The following STK32C variants were observed in gnomAD, a reference collection of about 807,000 sequenced individuals.
The protein encoded by STK32C is serine/threonine kinase 32C.
In STK32C, 31 loss-of-function variants were observed where a neutral mutation model predicts 56.5. That is an observed-to-expected ratio of 0.55 (90% CI 0.41 to 0.74). The LOEUF is 0.74. Among genes scored for constraint, STK32C ranks in the 30% least tolerant of loss-of-function variants. The probability of loss-of-function intolerance (pLI) is 0.00; values close to 1 mark genes in which losing one functional copy is unlikely to be tolerated. For synonymous variants in STK32C, 309 were observed against 289.4 expected (o/e 1.07, Z -0.69); for missense variants, 544 against 676.9 (o/e 0.80, Z 2.18).
At position 132,270,934 on chromosome 10, in the gene STK32C, C is replaced by T. The variant is rs558599708; in HGVS notation, c.263-24979G>A. Reference sequence around the variant, plus strand: ...TGCAGCCCCCCTCCAGAGCAACAGCCAATAAGGGTAGGGCAATGGGGTGGG... The same window carrying T: ...TGCAGCCCCCCTCCAGAGCAACAGCTAATAAGGGTAGGGCAATGGGGTGGG... On this transcript the variant is annotated intron_variant, in intron 1 of 11. Transcript: ENST00000298630. 1.7e-4 allele frequency among the ~76,000 whole-genome samples: 25 copies of T among 146,866 alleles called. No homozygotes were observed. In the South Asian group the frequency reaches 5.4e-3, roughly 32 times the overall value.
At chr10:132,275,463 T>C (rs896827462) in intron 1 of STK32C, among the ~76,000 whole-genome samples, 1 of 152,182 alleles carries the variant, frequency 6.6e-6, no homozygotes, top group Non-Finnish European at 1.5e-5. Context: ...AGGATGAGAA[T>C]CAGGTCCCTT....
chr10:132,238,603 G>C (rs533562841), intron 2 of STK32C, among the ~76,000 whole-genome samples: 21 of 152,314 alleles, frequency 1.4e-4, no homozygotes, highest in African/African-American at 5.1e-4. Flanking sequence ...GCTCAAGCCT[G>C]GGAAAGCATA....
intron 2 of STK32C, among the ~76,000 whole-genome samples, chr10:132,241,471 A>G (rs2063498077): frequency 2.0e-5 from 3 of 152,262 alleles, no homozygotes; most frequent in African/African-American, 7.2e-5. Context: ...TGAAGAATCA[A>G]GATGAAAAAG....
At chr10:132,305,788 C>T (rs550943923) in intron 1 of STK32C, among the ~76,000 whole-genome samples, 30 of 152,344 alleles carry the variant, frequency 2.0e-4, no homozygotes, top group East Asian at 1.2e-3. Flanking sequence ...AAGCGGTCAC[C>T]GCCCAGAGAT....
chr10:132,226,643 G>T, intron 4 of STK32C, 152 bp downstream of exon 4: 1 of 898,080 alleles, frequency 1.1e-6, no homozygotes, highest in Non-Finnish European at 1.7e-6. Context: ...CGGCACAGGT[G>T]CCACAGCTGG....
chr10:132,233,222 C>T lies in STK32C; in HGVS notation c.319-5094G>A, dbSNP rs568362897. ...TGCAGCGGCTGAAGAAGGTGCAGCC[C>T]AGTATGGGGCCTCTGGGGAGGGCAC... On this transcript the variant is annotated intron_variant, in intron 2 of 11. Coordinates refer to ENST00000298630, the MANE Select transcript of STK32C (RefSeq NM_173575.4). Among the ~76,000 whole-genome samples the T allele has an allele frequency of 1.8e-4, 28 of 152,252 alleles. No individual in the cohort carries two copies. The East Asian group carries it at 4.7e-3, about 25-fold the overall frequency.
chr10:132,321,970 G>A (rs2066417331), downstream of STK32C, among the ~76,000 whole-genome samples: 1 of 152,156 alleles, frequency 6.6e-6, no homozygotes, highest in Non-Finnish European at 1.5e-5. Flanking sequence ...TTGCACTTGA[G>A]AATTCAACCC....
chr10:132,271,154 T>C (rs11146298), intron 1 of STK32C, among the ~76,000 whole-genome samples: 65,990 of 152,010 alleles, frequency 0.43, 15,469 homozygotes, highest in African/African-American at 0.6. Context: ...AACCGGGGCC[T>C]TCCATTCAGC....
At chr10:132,233,391 C>G (rs1200769841) in intron 2 of STK32C, among the ~76,000 whole-genome samples, 1 of 152,250 alleles carries the variant, frequency 6.6e-6, no homozygotes, top group Admixed American at 6.5e-5. Context: ...CCATAGGCCA[C>G]TTGTCCCAGG....
chr10:132,307,661 AG>A lies in STK32C; in HGVS notation c.172del (p.Leu58CysfsTer31). 3 of 1,529,876 alleles carry A rather than the reference AG, an allele frequency of 2.0e-6. No homozygotes were observed. Among genetic ancestry groups the A allele is most frequent in the Admixed American group, 2.0e-5 (1 of 50,222 alleles). The allele number at this position is 1,529,876 out of a possible 1,614,324, so 94.8% of individuals were successfully genotyped here. On this transcript the variant is annotated frameshift_variant, in exon 1 of 12. Transcript: ENST00000298630. LOFTEE classifies it high-confidence loss of function. The surrounding 1 kb of genome is among the most constrained non-coding windows in gnomAD (Gnocchi z 4.4). ...SGDVRSQPRP[L>X]FQWSKWKKRM... Reference sequence around the variant, plus strand: ...CTTCTTCCACTTGCTCCACTGAAACAGGGGGCGCGGCTGCGAGCGGACATCG... The same window carrying A: ...CTTCTTCCACTTGCTCCACTGAAACAGGGGCGCGGCTGCGAGCGGACATCG...
chr10:132,238,350 G>A (rs989403538), intron 2 of STK32C, among the ~76,000 whole-genome samples: 31 of 152,180 alleles, frequency 2.0e-4, no homozygotes, highest in African/African-American at 6.8e-4. Flanking sequence ...GAGACCGTTC[G>A]TTATAGTTAC....
intron 11 of STK32C, among the ~76,000 whole-genome samples, chr10:132,208,448 A>G (rs1448432776): frequency 6.6e-6 from 1 of 152,166 alleles, no homozygotes; most frequent in African/African-American, 2.4e-5. Flanking sequence ...GCTAAGCCTC[A>G]TTCTTCACCC....
intron 1 of STK32C, among the ~76,000 whole-genome samples, chr10:132,294,227 C>T (rs1193696447): frequency 2.6e-5 from 4 of 151,604 alleles, no homozygotes; most frequent in Admixed American, 6.6e-5. Context: ...GAGTCAGAGA[C>T]GAGGAGGATC....
intron 8 of STK32C, among the ~76,000 whole-genome samples, chr10:132,224,114 G>A (rs1466697703): frequency 2.6e-5 from 4 of 152,144 alleles, no homozygotes; most frequent in African/African-American, 9.7e-5. Context: ...TGACCGGCAG[G>A]GCGGGCGCAC....
chr10:132,316,189 AAG>A (rs1395403709), intron 1 of STK32C, among the ~76,000 whole-genome samples: 2 of 152,230 alleles, frequency 1.3e-5, no homozygotes, highest in Non-Finnish European at 2.9e-5. Flanking sequence ...GCCAATTAAA[AAG>A]AAAATAAATT....
chr10:132,265,390 G>C (rs1465600122), intron 1 of STK32C, among the ~76,000 whole-genome samples: 1 of 152,196 alleles, frequency 6.6e-6, no homozygotes, highest in Non-Finnish European at 1.5e-5. Flanking sequence ...GGGTGTCCAG[G>C]AAGAGCCAGT....
At chr10:132,260,731 G>A (rs1019052913) in intron 1 of STK32C, among the ~76,000 whole-genome samples, 6 of 152,248 alleles carry the variant, frequency 3.9e-5, no homozygotes, top group East Asian at 1.9e-4. Context: ...ACCAGTGGCC[G>A]GGTGGGCATT....
At chr10:132,326,689 G>A (rs1017749217) in intron 1 of STK32C, among the ~76,000 whole-genome samples, 8 of 152,176 alleles carry the variant, frequency 5.3e-5, no homozygotes, top group Admixed American at 5.2e-4. Flanking sequence ...AGTATCATGA[G>A]GCACGCCCAG....
intron 1 of STK32C, among the ~76,000 whole-genome samples, chr10:132,276,759 C>G (rs1031352328): frequency 5.9e-5 from 9 of 151,974 alleles, no homozygotes; most frequent in Admixed American, 1.3e-4. Flanking sequence ...TGCAGTCCAG[C>G]CTGGTGACAG....
Sources: allele counts gnomAD v4.1 joint callset (sites outside exome capture counted in the v4.1 genomes callset), GRCh38; gene constraint gnomAD v4.1.1; non-coding constraint Gnocchi (gnomAD v3.1); transcripts MANE v1.5; gene names NCBI Gene and HGNC (gene_info 2026-07-23, HGNC 2026-07-21).